Variants in NLRC4 observed in about 807,000 individuals in gnomAD.
NLRC4 encodes the protein NLR family CARD domain-containing protein 4.
In NLRC4, 63 loss-of-function variants were observed where a neutral mutation model predicts 79.9. That is an observed-to-expected ratio of 0.79 (90% CI 0.64 to 0.97). NLRC4 has a LOEUF of 0.97. Ranked by LOEUF, NLRC4 falls within the 50% of genes least tolerant of loss-of-function variation. NLRC4 has a pLI of 0.00. For synonymous variants in NLRC4, 461 were observed against 456.5 expected, an observed-to-expected ratio of 1.01 and a Z score of -0.12; for missense variants, 1,074 against 1,215.2, an observed-to-expected ratio of 0.88 and a Z score of 1.73.
chr2:32,248,138 A>G (rs571664930), intron 4 of NLRC4, among the ~76,000 whole-genome samples: 85 of 152,220 alleles, frequency 5.6e-4, no homozygotes, highest in Non-Finnish European at 9.4e-4. Flanking sequence ...CCCTATATCT[A>G]TAAAAATAAA....
At chr2:32,229,232 C>T (rs1686475457) in intron 8 of NLRC4, among the ~76,000 whole-genome samples, 1 of 151,724 alleles carries the variant, frequency 6.6e-6, no homozygotes, top group East Asian at 2.0e-4. Context: ...GAGTTTGAGA[C>T]CAGCCTGGCC....
rs1686784833 is a variant in NLRC4, at chr2:32,240,923, T to A, written c.2350+110A>T. Reference sequence around the variant, plus strand: ...CTGGGGAAACCAATGTAGCCACAAGTACATAAAAACATCCTTGCCTTGTGC... The same window carrying A: ...CTGGGGAAACCAATGTAGCCACAAGAACATAAAAACATCCTTGCCTTGTGC... On this transcript the variant is annotated intron_variant, in intron 5 of 8. Coordinates refer to ENST00000402280, the MANE Select transcript of NLRC4 (RefSeq NM_001199138.2). 10 of 668,048 alleles carry A rather than the reference T, an allele frequency of 1.5e-5. No homozygotes were observed. The South Asian group carries it at 1.7e-4, about 11-fold the overall frequency. 41.4% of individuals were successfully genotyped at this position (668,048 alleles called of 1,614,324 possible).
intron 6 of NLRC4, 112 bp downstream of exon 6, chr2:32,238,020 C>A: frequency 8.1e-4 from 540 of 662,988 alleles, no homozygotes; most frequent in East Asian, 1.7e-3. Context: ...TTTTTATTTT[C>A]CAGTTTTCCT....
At position 32,252,449 on chromosome 2, in the gene NLRC4, A is replaced by G. The variant is rs763820271; in HGVS notation, c.232T>C (p.Tyr78His). ...LFLKSLKEWN[Y>H]PLFQDLNGQS... ...CCATTCAAGTCCTGAAATAGAGGAT[A>G]GTTCCACTCCTTAAGGGATTTAAGA... The change falls in exon 3 of 9, where the codon TAT (tyrosine) becomes CAT (histidine). Residue 78 changes from tyrosine to histidine, a missense_variant. Tyr to His is a moderately conservative substitution (Grantham distance 83). Coordinates refer to ENST00000402280, the MANE Select transcript of NLRC4 (RefSeq NM_001199138.2). 2.5e-6 allele frequency: 4 copies of G among 1,609,826 alleles called. No individual in the cohort carries two copies. Among genetic ancestry groups the G allele is most frequent in the Non-Finnish European group, 3.4e-6 (4 of 1,175,980 alleles).
intron 1 of NLRC4, among the ~76,000 whole-genome samples, chr2:32,261,316 C>CT (rs751434892): frequency 0.015 from 1,441 of 96,912 alleles, 400 homozygotes; most frequent in South Asian, 0.067. Context: ...AGCCTCCCCC[C>CT]TTTTGTTTTT....
intron 8 of NLRC4, among the ~76,000 whole-genome samples, chr2:32,233,059 G>C (rs1284864444): frequency 6.8e-6 from 1 of 147,724 alleles, no homozygotes; most frequent in Non-Finnish European, 1.5e-5. Flanking sequence ...TTAGTGAGCT[G>C]TGATCACATC....
chr2:32,244,142 C>T (rs1050089047), intron 4 of NLRC4, among the ~76,000 whole-genome samples: 4 of 152,032 alleles, frequency 2.6e-5, no homozygotes, highest in Non-Finnish European at 5.9e-5. Flanking sequence ...CCCAGCTAGT[C>T]AGGAGGCTGA....
rs746141257 is a variant in NLRC4 at position 32,250,865 on chromosome 2, A to G, written c.999T>C (p.Asn333=). Residue 333 remains asparagine (N), a synonymous_variant, in exon 4 of 9, where the codon AAT becomes AAC. Coordinates refer to ENST00000402280, the MANE Select transcript of NLRC4 (RefSeq NM_001199138.2). This position sits in a 1 kb window ranked among gnomAD's most constrained non-coding sequence, Gnocchi z 4.9. ...LQIQKSRCLR[N]LMKTPLFVVI... ...CCACAAAGAGAGGGGTCTTCATGAG[A>G]TTCCTCAAGCACCTGGATTTCTGAA... The G allele has an allele frequency of 1.9e-6, 3 of 1,614,146 alleles. No individual in the cohort carries two copies. Among genetic ancestry groups the G allele is most frequent in the Admixed American group, 3.3e-5 (2 of 60,020 alleles).
intron 2 of NLRC4, among the ~76,000 whole-genome samples, chr2:32,254,148 A>C (rs1433047569): frequency 6.6e-6 from 1 of 151,844 alleles, no homozygotes; most frequent in African/African-American, 2.4e-5. Flanking sequence ...AAATTCAATA[A>C]TCAGGTTTCA....
intron 2 of NLRC4, among the ~76,000 whole-genome samples, 180 bp downstream of exon 2, chr2:32,256,595 C>G (rs986398549): frequency 1.3e-5 from 2 of 152,218 alleles, no homozygotes; most frequent in African/African-American, 4.8e-5. Flanking sequence ...ATCTGTGGTT[C>G]TGCCTTTTAT....
At chr2:32,238,974 C>T (rs370567450) in intron 5 of NLRC4, among the ~76,000 whole-genome samples, 10 of 151,966 alleles carry the variant, frequency 6.6e-5, no homozygotes, top group East Asian at 1.9e-4. Context: ...CTGTAGCCTA[C>T]GGGAAAGAAA....
At chr2:32,242,648 A>G (rs1487277723) in intron 4 of NLRC4, among the ~76,000 whole-genome samples, 1 of 152,144 alleles carries the variant, frequency 6.6e-6, no homozygotes, top group Middle Eastern at 3.2e-3. Flanking sequence ...AATAACACCA[A>G]TTCTACACAG....
In NLRC4 at chr2:32,252,384, T is replaced by C. The variant is rs1339564130; in HGVS notation, c.262+35A>G. On this transcript the variant is annotated intron_variant, in intron 3 of 8. Coordinates refer to ENST00000402280, the MANE Select transcript of NLRC4 (RefSeq NM_001199138.2). ...GGATCTTTGTTGTGGTCTATTCTACTTGCAGAAACAGATGCAAAACTAACT... is the reference window on the plus strand; with the variant it reads ...GGATCTTTGTTGTGGTCTATTCTACCTGCAGAAACAGATGCAAAACTAACT... 2.6e-6 allele frequency: 4 copies of C among 1,530,380 alleles called. No homozygotes were observed. In the African/African-American group the frequency reaches 5.5e-5, roughly 21 times the overall value. 94.8% of individuals were successfully genotyped at this position (1,530,380 alleles called of 1,614,324 possible). A position where few individuals can be genotyped will look rare whatever the true frequency, so the allele number is the denominator to read the frequency against.
intron 8 of NLRC4, among the ~76,000 whole-genome samples, chr2:32,233,715 A>C (rs1015212591): frequency 6.6e-6 from 1 of 152,134 alleles, no homozygotes; most frequent in African/African-American, 2.4e-5. Flanking sequence ...CATGTGGTCT[A>C]TCCTTGAGAA....
chr2:32,229,010 C>T (rs1686469586), intron 8 of NLRC4, among the ~76,000 whole-genome samples: 2 of 151,846 alleles, frequency 1.3e-5, no homozygotes, highest in South Asian at 4.2e-4. Context: ...AAGTGATACA[C>T]CCACCTTGGC....
In NLRC4 at chr2:32,258,210, T is replaced by G. The variant is rs543860684; in HGVS notation, c.-118-1317A>C. Among the ~76,000 whole-genome samples the G allele has an allele frequency of 2.6e-4, 40 of 152,342 alleles. No individual in the cohort carries two copies. The East Asian group carries it at 7.7e-3, about 29-fold the overall frequency. On this transcript the variant is annotated intron_variant, in intron 1 of 8. Transcript: ENST00000402280. ...GTCGTTCCTCTGGTGGATGGCCTGC[T>G]GGCGTGCCGATGTCTGTTGTGTGCT...
rs1045655750 is a variant in NLRC4, at chr2:32,256,727, TG to T, written c.1+47del. ...TTTTCCATTTAAAATCACCAGTATTTGGTAGCAGACTGTATAACCAGGCAGA... is the reference window on the plus strand; with the variant it reads ...TTTTCCATTTAAAATCACCAGTATTTGTAGCAGACTGTATAACCAGGCAGA... On this transcript the variant is annotated intron_variant, in intron 2 of 8. Transcript: ENST00000402280. 6.6e-6 allele frequency: 5 copies of T among 756,282 alleles called. No individual in the cohort carries two copies. In the African/African-American group the frequency reaches 9.0e-5, roughly 14 times the overall value. The allele number at this position is 756,282 out of a possible 1,614,324, so 46.8% of individuals were successfully genotyped here. A position where few individuals can be genotyped will look rare whatever the true frequency, so the allele number is the denominator to read the frequency against.
intron 2 of NLRC4, among the ~76,000 whole-genome samples, chr2:32,253,267 C>T (rs537723336): frequency 3.8e-4 from 57 of 151,606 alleles, no homozygotes; most frequent in Non-Finnish European, 6.2e-4. Flanking sequence ...CTCCTGCCTC[C>T]GCCTCCTGAG....
intron 1 of NLRC4, among the ~76,000 whole-genome samples, chr2:32,261,542 T>A (rs1280230783): frequency 6.7e-6 from 1 of 148,698 alleles, no homozygotes; most frequent in African/African-American, 2.5e-5. Flanking sequence ...AACCTCCTGA[T>A]CTTGTGATCT....
Sources: gnomAD v4.1 joint callset for allele counts (sites outside exome capture counted in the v4.1 genomes callset) on GRCh38, gnomAD v4.1.1 for gene constraint, Gnocchi (gnomAD v3.1) non-coding constraint, MANE v1.5 for transcripts, NCBI Gene and HGNC (gene_info 2026-07-23, HGNC 2026-07-21) for gene names.